IST1: variants seen among roughly 807,000 people sequenced by gnomAD.
The protein encoded by IST1 is IST1 homolog.
In IST1, 23 loss-of-function variants were observed where a neutral mutation model predicts 37.0. That is an observed-to-expected ratio of 0.62 (90% CI 0.45 to 0.88). The LOEUF is 0.88. Ranked by LOEUF, IST1 falls within the 40% of genes least tolerant of loss-of-function variation. The probability of loss-of-function intolerance (pLI) is 0.00; values close to 1 mark genes in which losing one functional copy is unlikely to be tolerated. For synonymous variants in IST1, 180 were observed against 161.7 expected, an observed-to-expected ratio of 1.11 and a Z score of -0.86; for missense variants, 488 against 445.4, an observed-to-expected ratio of 1.10 and a Z score of -0.86.
At chr16:71,925,359 C>T (rs1362248881) in intron 9 of IST1, among the ~76,000 whole-genome samples, 1 of 149,070 alleles carries the variant, frequency 6.7e-6, no homozygotes, top group East Asian at 2.0e-4. Context: ...CTCTGTTGCC[C>T]AGGCTGGAGT....
chr16:71,915,790 G>A, intron 2 of IST1, 62 bp downstream of exon 2: 1 of 997,172 alleles, frequency 1.0e-6, no homozygotes, highest in South Asian at 1.4e-5. Context: ...CCAGTAATGG[G>A]TCTTTCAGGC....
At chr16:71,907,568 C>T (rs148465755) in intron 1 of IST1, among the ~76,000 whole-genome samples, 21 of 152,250 alleles carry the variant, frequency 1.4e-4, no homozygotes, top group African/African-American at 4.8e-4. Context: ...TGAGCCACTG[C>T]GCCTGGCCCC....
intron 4 of IST1, among the ~76,000 whole-genome samples, chr16:71,918,716 G>A (rs533945136): frequency 3.9e-5 from 6 of 152,160 alleles, no homozygotes; most frequent in South Asian, 2.1e-4. Context: ...ATGTTGAGCC[G>A]TTTTTGGTCT....
chr16:71,895,462 G>A, upstream of IST1: 1 of 951,200 alleles, frequency 1.1e-6, no homozygotes, highest in Non-Finnish European at 1.3e-6. Flanking sequence ...CTGGAAAGGA[G>A]GGCGTGGCTA....
At chr16:71,906,617 C>T (rs191303427) in intron 1 of IST1, among the ~76,000 whole-genome samples, 29 of 152,188 alleles carry the variant, frequency 1.9e-4, no homozygotes, top group African/African-American at 6.5e-4. Flanking sequence ...AGACCTGGCC[C>T]GCAATTCTTT....
In IST1 at chr16:71,931,126, T is replaced by A. The variant is rs186938773; in HGVS notation, c.*3313T>A. 6.6e-6 allele frequency: 1 copy of A among 152,374 alleles called. No homozygotes were observed. Among genetic ancestry groups the A allele is most frequent in the African/African-American group, 2.4e-5 (1 of 41,600 alleles). 9.4% of individuals were successfully genotyped at this position (152,374 alleles called of 1,614,324 possible). On this transcript the variant is annotated 3_prime_UTR_variant, in exon 10 of 10. Coordinates refer to ENST00000378799, the MANE Select transcript of IST1 (RefSeq NM_001270975.2). ...TTAATGTTTTTTACTTTATGTTTAC[T>A]GTATTTTTATGTACAATTACATCCA...
In IST1 at chr16:71,921,614, G is replaced by T. The variant is rs2037586919; in HGVS notation, c.552+161G>T. The T allele has an allele frequency of 7.1e-6, 4 of 565,534 alleles. No homozygotes were observed. The Admixed American group carries it at 9.0e-5, about 13-fold the overall frequency. 35.0% of individuals were successfully genotyped at this position (565,534 alleles called of 1,614,324 possible). A position where few individuals can be genotyped will look rare whatever the true frequency, so the allele number is the denominator to read the frequency against. On this transcript the variant is annotated intron_variant, in intron 6 of 9. Transcript: ENST00000378799. The stretch of plus-strand genomic sequence containing the variant: ...TAAATGTGCCTGCATATCTCACAGG[G>T]TACTTAAGGAATTAGATGAATGACA...
chr16:71,915,415 C>T (rs1447445386), intron 1 of IST1, among the ~76,000 whole-genome samples: 1 of 152,172 alleles, frequency 6.6e-6, no homozygotes, highest in Non-Finnish European at 1.5e-5. Flanking sequence ...ATAGCCTTCC[C>T]ATTGGTCTTC....
In IST1 at chr16:71,921,366, A is replaced by G. The variant is rs1191100123; in HGVS notation, c.465A>G (p.Glu155=). The part of the protein sequence containing the change: ...NDRLMHKLSV[E]APPKILVERY... ...AGCTAATGCACAAGCTGAGTGTGGA[A>G]GCCCCACCCAAAATCCTGGTGGAGA... The change falls in exon 6 of 10, where the codon GAA becomes GAG. Residue 155 remains glutamate, a synonymous_variant. Coordinates refer to ENST00000378799, the MANE Select transcript of IST1 (RefSeq NM_001270975.2). The G allele has an allele frequency of 6.2e-7, 1 of 1,612,414 alleles. No homozygotes were observed. The highest frequency in any genetic ancestry group is 1.3e-5 in the African/African-American group (1 of 74,884).
chr16:71,917,512 A>C (rs990195254), intron 4 of IST1, among the ~76,000 whole-genome samples: 2 of 152,230 alleles, frequency 1.3e-5, no homozygotes, highest in East Asian at 3.8e-4. Context: ...TGTATGAGCT[A>C]TGTAAGTGCT....
rs2037206607 is a variant in IST1 at position 71,905,614 on chromosome 16, A to T, written c.-15-10012A>T. ...AGGCTGGTCTTGAACTCCTGACCTCAGGCGATCCACCTGCCTTGGCCTTCC... is the reference window on the plus strand; with the variant it reads ...AGGCTGGTCTTGAACTCCTGACCTCTGGCGATCCACCTGCCTTGGCCTTCC... On this transcript the variant is annotated intron_variant, in intron 1 of 9. Transcript: ENST00000378799. 2.0e-5 allele frequency among the ~76,000 whole-genome samples: 3 copies of T among 152,088 alleles called. No individual in the cohort carries two copies. In the South Asian group the frequency reaches 6.2e-4, roughly 32 times the overall value.
chr16:71,905,094 G>A (rs2037192869), intron 1 of IST1, among the ~76,000 whole-genome samples: 1 of 151,634 alleles, frequency 6.6e-6, no homozygotes, highest in Non-Finnish European at 1.5e-5. Flanking sequence ...GGAGTGTAGT[G>A]GCGTGGTCTC....
intron 1 of IST1, among the ~76,000 whole-genome samples, chr16:71,914,316 G>A (rs2037423847): frequency 1.3e-5 from 2 of 151,318 alleles, no homozygotes; most frequent in Admixed American, 6.6e-5. Flanking sequence ...GCGTCACCAC[G>A]CCCAGCTAAT....
intron 8 of IST1, 38 bp downstream of exon 8, chr16:71,923,418 T>A (rs375376923): frequency 7.7e-7 from 1 of 1,297,510 alleles, no homozygotes; most frequent in Non-Finnish European, 1.1e-6. Context: ...AACAGGAGAG[T>A]GAATGCCATG....
At position 71,898,370 on chromosome 16, in the gene IST1, GAAA is replaced by G. The variant is rs57871135; in HGVS notation, c.-16+2797_-16+2799del. Among the ~76,000 whole-genome samples the G allele has an allele frequency of 9.9e-5, 10 of 100,830 alleles. No individual in the cohort carries two copies. In the East Asian group the frequency reaches 1.1e-3, roughly 11 times the overall value. The allele number at this position is 100,830 out of a possible 152,430, so 66.1% of individuals were successfully genotyped here. On this transcript the variant is annotated intron_variant, in intron 1 of 9. Transcript: ENST00000378799. ...GGTGACAGAGACACTCTCTCTCTCA[GAAA>G]AAAAAAAAAAAAAAAGAAACTCTCT...
intron 7 of IST1, chr16:71,922,906 C>T (rs1348423595): frequency 1.7e-6 from 1 of 586,216 alleles, no homozygotes; most frequent in Non-Finnish European, 3.0e-6. Flanking sequence ...AAACACTTTT[C>T]ATATAGGTTT....
chr16:71,917,756 T>G (rs2037496474), intron 4 of IST1, among the ~76,000 whole-genome samples: 1 of 152,236 alleles, frequency 6.6e-6, no homozygotes, highest in Non-Finnish European at 1.5e-5. Flanking sequence ...TGAGATTTCC[T>G]TCTTTTCTAG....
chr16:71,918,456 G>T (rs1289214775), intron 4 of IST1, among the ~76,000 whole-genome samples: 1 of 142,638 alleles, frequency 7.0e-6, no homozygotes, highest in East Asian at 2.0e-4. Flanking sequence ...TTGCAGTGTT[G>T]CCTGGGCTGG....
chr16:71,912,648 C>A (rs2037383636), intron 1 of IST1, among the ~76,000 whole-genome samples: 1 of 152,210 alleles, frequency 6.6e-6, no homozygotes, highest in Non-Finnish European at 1.5e-5. Flanking sequence ...TACCAACTTG[C>A]CTGTTTCTAA....
Sources: gnomAD v4.1 joint callset for allele counts (sites outside exome capture counted in the v4.1 genomes callset) on GRCh38, gnomAD v4.1.1 for gene constraint, MANE v1.5 for transcripts, NCBI Gene and HGNC (gene_info 2026-07-23, HGNC 2026-07-21) for gene names.